The following AGBL1 variants were observed in gnomAD, a reference collection of about 807,000 sequenced individuals.
AGBL1 encodes the protein AGBL carboxypeptidase 1.
AGBL1 carries 130 observed loss-of-function variants against 118.9 expected under a neutral mutation model. The ratio of observed to expected loss-of-function variants is 1.09; its 90% CI spans 0.95 to 1.26. AGBL1 has a LOEUF of 1.26. Ranked by LOEUF, AGBL1 falls within the 50% of genes most tolerant of loss-of-function variation. The pLI, the probability that AGBL1 is intolerant of heterozygous loss-of-function variation, is 0.00. For synonymous variants in AGBL1, 555 were observed against 478.9 expected (o/e 1.16, Z -2.08); for missense variants, 1,584 against 1,298.1 (o/e 1.22, Z -3.38).
At chr15:86,921,759 C>T (rs185110365) in intron 23 of AGBL1, among the ~76,000 whole-genome samples, 1 of 152,252 alleles carries the variant, frequency 6.6e-6, no homozygotes, top group Admixed American at 6.5e-5. Flanking sequence ...TGTCAAGGCG[C>T]CTGTGGCATG....
At chr15:86,780,022 G>T (rs1171661376) in intron 22 of AGBL1, among the ~76,000 whole-genome samples, 6 of 152,010 alleles carry the variant, frequency 3.9e-5, no homozygotes, top group Non-Finnish European at 1.5e-5. Context: ...TTTAAGGCTA[G>T]TTCTGCTCAT....
intron 1 of AGBL1, among the ~76,000 whole-genome samples, chr15:86,112,168 G>A (rs1328810026): frequency 6.6e-6 from 1 of 151,832 alleles, no homozygotes; most frequent in Non-Finnish European, 1.5e-5. Context: ...TAAATGTAAT[G>A]TACTTCAATC....
At chr15:86,632,617 T>A (rs1336142253) in intron 21 of AGBL1, among the ~76,000 whole-genome samples, 2 of 147,934 alleles carry the variant, frequency 1.4e-5, no homozygotes, top group Non-Finnish European at 3.0e-5. Flanking sequence ...TGACAATAAC[T>A]AAATCTCATC....
intron 17 of AGBL1, among the ~76,000 whole-genome samples, chr15:86,322,815 A>G (rs1461064504): frequency 6.6e-6 from 1 of 152,336 alleles, no homozygotes. Flanking sequence ...GGGGATATAC[A>G]TGGATACTTT....
At chr15:86,893,805 T>C (rs1265021168) in intron 22 of AGBL1, among the ~76,000 whole-genome samples, 1 of 152,224 alleles carries the variant, frequency 6.6e-6, no homozygotes, top group Non-Finnish European at 1.5e-5. Context: ...TTCTATGCTA[T>C]GGCATTTGTT....
chr15:86,845,696 T>G (rs2079308102), intron 22 of AGBL1, among the ~76,000 whole-genome samples: 1 of 152,218 alleles, frequency 6.6e-6, no homozygotes, highest in Non-Finnish European at 1.5e-5. Context: ...TGAAGCCATC[T>G]GCGCCCAGGG....
intron 22 of AGBL1, among the ~76,000 whole-genome samples, chr15:86,853,728 T>A (rs1239350918): frequency 6.6e-6 from 1 of 152,228 alleles, no homozygotes; most frequent in Non-Finnish European, 1.5e-5. Flanking sequence ...CATCTAGTTT[T>A]AAAACATTTG....
chr15:86,181,040 C>G (rs1411356179), intron 5 of AGBL1, among the ~76,000 whole-genome samples: 1 of 152,020 alleles, frequency 6.6e-6, no homozygotes, highest in Middle Eastern at 3.2e-3. Flanking sequence ...AAGAAGAACA[C>G]CAACACTCAC....
chr15:86,191,854 T>C (rs76608527), intron 5 of AGBL1, among the ~76,000 whole-genome samples: 4,525 of 151,334 alleles, frequency 0.03, 216 homozygotes, highest in African/African-American at 0.1. Context: ...GGCAGGAAGA[T>C]TGAGGCCAGG....
chr15:86,494,886 CACTT>C (rs2082827649), intron 18 of AGBL1, among the ~76,000 whole-genome samples: 1 of 151,762 alleles, frequency 6.6e-6, no homozygotes, highest in African/African-American at 2.4e-5. Flanking sequence ...GTAAGGAACA[CACTT>C]ACACTTAATG....
chr15:86,639,202 G>A (rs374001614), intron 21 of AGBL1, among the ~76,000 whole-genome samples: 16 of 152,286 alleles, frequency 1.1e-4, no homozygotes, highest in Non-Finnish European at 1.8e-4. Flanking sequence ...CTCAAGAAGA[G>A]GCTGTTACAC....
At chr15:86,372,049 A>T (rs2080978727) in intron 17 of AGBL1, among the ~76,000 whole-genome samples, 1 of 152,108 alleles carries the variant, frequency 6.6e-6, no homozygotes, top group South Asian at 2.1e-4. Context: ...GTGCTAATGG[A>T]CCCATAGCTG....
At chr15:86,413,783 G>A (rs113751427) in intron 18 of AGBL1, among the ~76,000 whole-genome samples, 14 of 151,852 alleles carry the variant, frequency 9.2e-5, no homozygotes, top group African/African-American at 1.9e-4. Context: ...GTCCCTTTTC[G>A]GATGGATAGT....
intron 22 of AGBL1, among the ~76,000 whole-genome samples, chr15:86,883,710 G>C (rs1015238259): frequency 6.6e-6 from 1 of 152,098 alleles, no homozygotes; most frequent in Non-Finnish European, 1.5e-5. Context: ...TGGAAGAAAG[G>C]TTGCTTTTCT....
chr15:86,535,897 A>G (rs1306278978), intron 19 of AGBL1, among the ~76,000 whole-genome samples: 1 of 152,248 alleles, frequency 6.6e-6, no homozygotes, highest in Non-Finnish European at 1.5e-5. Context: ...TAGCAGAAGA[A>G]TAAGTGTTAT....
At chr15:86,132,266 T>C (rs1208938446) in intron 1 of AGBL1, among the ~76,000 whole-genome samples, 1 of 152,114 alleles carries the variant, frequency 6.6e-6, no homozygotes. Flanking sequence ...GTTTTTGGAA[T>C]GAAGGTGACT....
chr15:86,198,790 C>T (rs1191498022), intron 5 of AGBL1, among the ~76,000 whole-genome samples: 1 of 152,126 alleles, frequency 6.6e-6, no homozygotes, highest in Non-Finnish European at 1.5e-5. Flanking sequence ...AACTGACCCT[C>T]CCAGGCCTTG....
At chr15:86,675,597 C>T (rs1239535903) in intron 22 of AGBL1, among the ~76,000 whole-genome samples, 4 of 152,164 alleles carry the variant, frequency 2.6e-5, no homozygotes, top group Non-Finnish European at 4.4e-5. Flanking sequence ...CCCCTGGTCC[C>T]TTCAACACCC....
chr15:86,731,467 A>T (rs1448651765), intron 22 of AGBL1, among the ~76,000 whole-genome samples: 1 of 152,206 alleles, frequency 6.6e-6, no homozygotes, highest in Non-Finnish European at 1.5e-5. Context: ...ACCAACAATA[A>T]ATATTCTGCA....
Sources: gnomAD v4.1 joint callset for allele counts (sites outside exome capture counted in the v4.1 genomes callset) on GRCh38, gnomAD v4.1.1 for gene constraint, MANE v1.5 for transcripts, NCBI Gene and HGNC (gene_info 2026-07-23, HGNC 2026-07-21) for gene names.